ZRANB3: variants seen among roughly 807,000 people sequenced by gnomAD.
ZRANB3 encodes zinc finger RANBP2-type containing 3.
ZRANB3 carries 125 observed loss-of-function variants against 133.8 expected under a neutral mutation model. The ratio of observed to expected loss-of-function variants is 0.93; its 90% confidence interval spans 0.81 to 1.08. ZRANB3 has a LOEUF of 1.08. ZRANB3 is among the 50% of genes least tolerant of loss of function. The probability of loss-of-function intolerance (pLI) is 0.00; values close to 1 mark genes in which losing one functional copy is unlikely to be tolerated. For synonymous variants in ZRANB3, 387 were observed against 432.7 expected, an observed-to-expected ratio of 0.89 and a Z score of 1.31; for missense variants, 1,229 against 1,275.5, an observed-to-expected ratio of 0.96 and a Z score of 0.56.
intron 6 of ZRANB3, among the ~76,000 whole-genome samples, chr2:135,343,009 C>G (rs569030029): frequency 0.019 from 1,731 of 90,614 alleles, 153 homozygotes; most frequent in African/African-American, 0.094. Context: ...TACTAAAAAT[C>G]CAAAAAAAAA....
chr2:135,315,211 A>T, intron 7 of ZRANB3, 148 bp downstream of exon 7: 1 of 705,288 alleles, frequency 1.4e-6, no homozygotes, highest in South Asian at 7.4e-5. Flanking sequence ...TCTTGCTGAA[A>T]TACAAAACCA....
intron 8 of ZRANB3, among the ~76,000 whole-genome samples, chr2:135,305,015 C>T (rs961097936): frequency 1.6e-4 from 24 of 151,976 alleles, no homozygotes; most frequent in African/African-American, 5.3e-4. Flanking sequence ...CTCACTATGT[C>T]GCCCAGGCTG....
chr2:135,481,420 G>A (rs1691799948), intron 2 of ZRANB3, among the ~76,000 whole-genome samples: 1 of 152,158 alleles, frequency 6.6e-6, no homozygotes, highest in Admixed American at 6.5e-5. Context: ...CTTCTTTTGA[G>A]AAGTGTCTGT....
intron 12 of ZRANB3, among the ~76,000 whole-genome samples, chr2:135,255,740 G>C (rs1476719506): frequency 1.3e-5 from 2 of 151,952 alleles, no homozygotes; most frequent in African/African-American, 4.8e-5. Flanking sequence ...CTGGCTACTT[G>C]GGAGGCTGAG....
intron 17 of ZRANB3, among the ~76,000 whole-genome samples, chr2:135,215,609 T>A (rs1694271831): frequency 6.6e-6 from 1 of 152,220 alleles, no homozygotes; most frequent in African/African-American, 2.4e-5. Context: ...ATCTGCCAGT[T>A]TGACATAGTC....
At chr2:135,233,889 C>T (rs1454151329) in intron 12 of ZRANB3, among the ~76,000 whole-genome samples, 7 of 152,242 alleles carry the variant, frequency 4.6e-5, no homozygotes, top group South Asian at 2.1e-4. Context: ...CATCAACTAA[C>T]GAGCAAAATA....
chr2:135,239,698 GAA>G (rs1695465620), intron 12 of ZRANB3, among the ~76,000 whole-genome samples: 2 of 152,100 alleles, frequency 1.3e-5, no homozygotes, highest in South Asian at 2.1e-4. Context: ...GGAAATTAAA[GAA>G]AGAGCGGGCC....
intron 3 of ZRANB3, among the ~76,000 whole-genome samples, chr2:135,372,851 C>A (rs1686249050): frequency 6.7e-6 from 1 of 150,368 alleles, no homozygotes; most frequent in Non-Finnish European, 1.5e-5. Flanking sequence ...TTTGGGAGGC[C>A]AAGGCAGGAT....
At chr2:135,489,671 C>T (rs1294362801) in intron 2 of ZRANB3, among the ~76,000 whole-genome samples, 1 of 150,286 alleles carries the variant, frequency 6.7e-6, no homozygotes, top group Admixed American at 6.6e-5. Flanking sequence ...GAAATGAAGG[C>T]CAAATGGAAG....
At chr2:135,409,341 T>G (rs190048552) in intron 2 of ZRANB3, among the ~76,000 whole-genome samples, 1 of 152,198 alleles carries the variant, frequency 6.6e-6, no homozygotes, top group African/African-American at 2.4e-5. Flanking sequence ...TTGGAGAAGA[T>G]ATCCAAACAA....
At chr2:135,299,500 G>T (rs1268252521) in intron 8 of ZRANB3, among the ~76,000 whole-genome samples, 1 of 152,098 alleles carries the variant, frequency 6.6e-6, no homozygotes, top group Admixed American at 6.6e-5. Context: ...TTTTTGTCCA[G>T]GAAAATTTGC....
intron 10 of ZRANB3, among the ~76,000 whole-genome samples, chr2:135,269,837 A>G (rs1015949666): frequency 2.0e-5 from 3 of 151,658 alleles, no homozygotes; most frequent in African/African-American, 7.2e-5. Context: ...GGCTGAATGA[A>G]ATGTGAACCA....
intron 3 of ZRANB3, among the ~76,000 whole-genome samples, chr2:135,353,837 T>TA (rs1465079250): frequency 2.0e-5 from 3 of 151,560 alleles, no homozygotes; most frequent in Admixed American, 1.3e-4. Flanking sequence ...CCTGTCTCTA[T>TA]AAAAAAACGT....
intron 3 of ZRANB3, among the ~76,000 whole-genome samples, chr2:135,386,858 G>A (rs1372810804): frequency 6.6e-6 from 1 of 152,008 alleles, no homozygotes; most frequent in South Asian, 2.1e-4. Flanking sequence ...GGGCCCTGGG[G>A]GAGGGATAGC....
rs1300915948 is a variant in ZRANB3, at chr2:135,269,147, T to A, written c.1207-6A>T. 3 of 1,585,452 alleles carry A rather than the reference T, an allele frequency of 1.9e-6. No individual in the cohort carries two copies. On this transcript the variant is annotated splice_region_variant and splice_polypyrimidine_tract_variant and intron_variant, in intron 10 of 20. Coordinates refer to ENST00000264159, the MANE Select transcript of ZRANB3 (RefSeq NM_032143.4). ...GCTGCAGTAAATGTTAATCCCTAAG[T>A]GAAATAAAGCAAATAAATTGAGAAT...
At chr2:135,302,481 C>A (rs779402177) in intron 8 of ZRANB3, among the ~76,000 whole-genome samples, 7 of 151,922 alleles carry the variant, frequency 4.6e-5, no homozygotes, top group Non-Finnish European at 7.4e-5. Flanking sequence ...GAATTAGATG[C>A]CAGATTCCTA....
chr2:135,406,544 C>T (rs184637026), intron 2 of ZRANB3, among the ~76,000 whole-genome samples: 1,586 of 152,216 alleles, frequency 0.01, 25 homozygotes, highest in African/African-American at 0.036. Flanking sequence ...ACCAATATCC[C>T]TGATGAACAT....
chr2:135,474,866 G>T (rs1691436713), intron 2 of ZRANB3, among the ~76,000 whole-genome samples: 1 of 152,080 alleles, frequency 6.6e-6, no homozygotes, highest in African/African-American at 2.4e-5. Context: ...CTAAGGTAGG[G>T]GAAAGAAAGG....
At chr2:135,408,635 C>T (rs1467143376) in intron 2 of ZRANB3, among the ~76,000 whole-genome samples, 1 of 152,154 alleles carries the variant, frequency 6.6e-6, no homozygotes, top group Non-Finnish European at 1.5e-5. Context: ...CCATGGAATA[C>T]TATGCAGCCA....
Sources: gnomAD v4.1 joint callset for allele counts (sites outside exome capture counted in the v4.1 genomes callset) on GRCh38, gnomAD v4.1.1 for gene constraint, MANE v1.5 for transcripts, NCBI Gene and HGNC (gene_info 2026-07-23, HGNC 2026-07-21) for gene names.